OXCT1: variants seen among roughly 807,000 people sequenced by gnomAD.
OXCT1 encodes the protein succinyl-CoA:3-ketoacid coenzyme A transferase 1, mitochondrial.
Under a neutral mutation model 69.6 loss-of-function variants are expected in OXCT1, and 27 were observed. The ratio of observed to expected loss-of-function variants is 0.39; its 90% confidence interval spans 0.29 to 0.54. OXCT1 has a LOEUF of 0.54. Among genes scored for constraint, OXCT1 ranks in the 20% least tolerant of loss-of-function variants. OXCT1 has a pLI of 0.72. For missense variants in OXCT1, 437 were observed against 650.2 expected, an observed-to-expected ratio of 0.67 and a Z score of 3.57; for synonymous variants, 202 against 217.8, an observed-to-expected ratio of 0.93 and a Z score of 0.64.
intron 1 of OXCT1, among the ~76,000 whole-genome samples, chr5:41,864,073 A>C (rs1749858221): frequency 6.6e-6 from 1 of 152,216 alleles, no homozygotes; most frequent in Non-Finnish European, 1.5e-5. Context: ...GTCCCAAATG[A>C]GTCACCTAGT....
intron 3 of OXCT1, among the ~76,000 whole-genome samples, chr5:41,854,871 A>G (rs1188407031): frequency 6.6e-6 from 1 of 152,230 alleles, no homozygotes; most frequent in Admixed American, 6.5e-5. Flanking sequence ...AAAAACTGTT[A>G]GTACCTACTA....
intron 7 of OXCT1, among the ~76,000 whole-genome samples, chr5:41,812,126 G>C (rs974348779): frequency 6.6e-6 from 1 of 151,970 alleles, no homozygotes; most frequent in Non-Finnish European, 1.5e-5. Context: ...CAAGATTCAG[G>C]ACCTCTAACG....
intron 7 of OXCT1, among the ~76,000 whole-genome samples, chr5:41,821,380 A>C (rs1171193764): frequency 1.3e-5 from 2 of 152,252 alleles, no homozygotes; most frequent in African/African-American, 4.8e-5. Context: ...TCAGAGCATG[A>C]ACAAGTCTAT....
At chr5:41,853,821 G>T (rs1204949478) in intron 3 of OXCT1, 5 of 526,904 alleles carry the variant, frequency 9.5e-6, no homozygotes, top group Admixed American at 2.9e-5. Flanking sequence ...GGGCAGTAAG[G>T]GACATACAGC....
chr5:41,855,123 T>G (rs1049675777), intron 3 of OXCT1, among the ~76,000 whole-genome samples: 3 of 152,192 alleles, frequency 2.0e-5, no homozygotes, highest in African/African-American at 7.2e-5. Flanking sequence ...GTAACAATGG[T>G]TGAATCTCAC....
intron 7 of OXCT1, among the ~76,000 whole-genome samples, chr5:41,828,461 A>G (rs1747925819): frequency 1.3e-5 from 2 of 152,140 alleles, no homozygotes; most frequent in South Asian, 2.1e-4. Context: ...CTGGCCGTCA[A>G]GTATAAGTCA....
chr5:41,847,365 G>A (rs1450566957), intron 5 of OXCT1, among the ~76,000 whole-genome samples: 4 of 152,068 alleles, frequency 2.6e-5, no homozygotes, highest in Admixed American at 1.3e-4. Flanking sequence ...GGAGGAACTG[G>A]TACCATTCCT....
chr5:41,745,476 A>G (rs568089026), intron 15 of OXCT1, among the ~76,000 whole-genome samples: 3 of 152,348 alleles, frequency 2.0e-5, no homozygotes, highest in Non-Finnish European at 4.4e-5. Flanking sequence ...ACATCCTAAC[A>G]TCACGATTAA....
At chr5:41,828,995 A>C (rs1363519611) in intron 7 of OXCT1, among the ~76,000 whole-genome samples, 1 of 152,178 alleles carries the variant, frequency 6.6e-6, no homozygotes, top group Non-Finnish European at 1.5e-5. Context: ...TGTAAGTAAT[A>C]ACTGTGAACC....
intron 13 of OXCT1, among the ~76,000 whole-genome samples, chr5:41,766,688 C>T (rs1227280868): frequency 6.6e-6 from 1 of 151,894 alleles, no homozygotes; most frequent in African/African-American, 2.4e-5. Flanking sequence ...CTGTGAAATG[C>T]TGTTTAAAAT....
In OXCT1 at chr5:41,762,279, A is replaced by C; in HGVS notation, c.1249-79T>G. The C allele has an allele frequency of 9.1e-7, 1 of 1,093,046 alleles. No homozygotes were observed. Among genetic ancestry groups the C allele is most frequent in the East Asian group, 2.4e-5 (1 of 42,504 alleles). 67.7% of individuals were successfully genotyped at this position (1,093,046 alleles called of 1,614,324 possible). ...AGAACAAAATTAACTTGCAAAAATAAGCTACTAGAATCATTAAAAACTCAT... is the reference window on the plus strand; with the variant it reads ...AGAACAAAATTAACTTGCAAAAATACGCTACTAGAATCATTAAAAACTCAT... On this transcript the variant is annotated intron_variant, in intron 13 of 16. Transcript: ENST00000196371. This position sits in a 1 kb window ranked among gnomAD's most constrained non-coding sequence, Gnocchi z 4.0.
At chr5:41,750,563 T>C (rs1561361331) in intron 14 of OXCT1, among the ~76,000 whole-genome samples, 1 of 152,148 alleles carries the variant, frequency 6.6e-6, no homozygotes, top group Non-Finnish European at 1.5e-5. Context: ...AATGACAAAA[T>C]GCTTTTATTG....
At position 41,807,391 on chromosome 5, in the gene OXCT1, A is replaced by G. The variant is rs745907602; in HGVS notation, c.780T>C (p.His260=). The G allele has an allele frequency of 1.2e-6, 2 of 1,607,786 alleles. No homozygotes were observed. Among genetic ancestry groups the G allele is most frequent in the Non-Finnish European group, 8.5e-7 (1 of 1,174,780 alleles). ...GGCGATGTACATAAATCTGAGGAAT[A>G]TGGATGTCTTCTGGAGCAAATGCTC... ...DIGAFAPEDI[H]IPQIYVHRLI... is the part of the protein sequence containing the mutation. The change falls in exon 8 of 17, where the codon CAT becomes CAC. Residue 260 remains histidine, a synonymous_variant. Coordinates refer to ENST00000196371, the MANE Select transcript of OXCT1 (RefSeq NM_000436.4).
intron 14 of OXCT1, among the ~76,000 whole-genome samples, chr5:41,752,424 G>T (rs552129257): frequency 2.0e-5 from 3 of 152,164 alleles, no homozygotes; most frequent in African/African-American, 7.2e-5. Context: ...AGGGTTGTCA[G>T]AAAAGGCAGA....
chr5:41,861,464 A>C (rs1749735247), intron 2 of OXCT1, 60 bp from the exon 3 acceptor site: 1 of 966,740 alleles, frequency 1.0e-6, no homozygotes, highest in Non-Finnish European at 1.7e-6. Flanking sequence ...CTTTCAGAGA[A>C]GTGTGTGTTA....
At chr5:41,738,043 A>G (rs1375515115) in intron 16 of OXCT1, among the ~76,000 whole-genome samples, 1 of 152,216 alleles carries the variant, frequency 6.6e-6, no homozygotes, top group African/African-American at 2.4e-5. Flanking sequence ...CAACAGAACA[A>G]GACTCCGTCT....
chr5:41,865,062 T>C (rs1489534337), intron 1 of OXCT1, among the ~76,000 whole-genome samples: 1 of 152,152 alleles, frequency 6.6e-6, no homozygotes, highest in Non-Finnish European at 1.5e-5. Flanking sequence ...TACATTAAGG[T>C]ATCCATTCCC....
intron 7 of OXCT1, among the ~76,000 whole-genome samples, chr5:41,836,183 A>G (rs906422999): frequency 6.6e-6 from 1 of 152,190 alleles, no homozygotes; most frequent in Admixed American, 6.5e-5. Context: ...TTGAACTTGT[A>G]AAGTTTATCA....
intron 15 of OXCT1, among the ~76,000 whole-genome samples, chr5:41,747,568 G>C (rs1743559619): frequency 6.6e-6 from 1 of 152,030 alleles, no homozygotes; most frequent in Non-Finnish European, 1.5e-5. Context: ...AATTTGGGGA[G>C]GGATAGGGAA....
Sources: gnomAD v4.1 joint callset for allele counts (sites outside exome capture counted in the v4.1 genomes callset) on GRCh38, gnomAD v4.1.1 for gene constraint, Gnocchi (gnomAD v3.1) non-coding constraint, MANE v1.5 for transcripts, NCBI Gene and HGNC (gene_info 2026-07-23, HGNC 2026-07-21) for gene names.